The following MLLT3 variants were observed in gnomAD, a reference collection of about 807,000 sequenced individuals.
The protein encoded by MLLT3 is MLLT3 super elongation complex subunit, also known as protein AF-9.
Under a neutral mutation model 53.2 loss-of-function variants are expected in MLLT3, and 4 were observed. That is an observed-to-expected ratio of 0.08 (90% CI 0.04 to 0.17). The LOEUF is 0.17. Among genes scored for constraint, MLLT3 ranks in the 10% least tolerant of loss-of-function variants. The probability of loss-of-function intolerance (pLI) is 1.00; values close to 1 mark genes in which losing one functional copy is unlikely to be tolerated. For synonymous variants in MLLT3, 283 were observed against 230.6 expected (o/e 1.23, Z -2.06); for missense variants, 569 against 684.0 (o/e 0.83, Z 1.87).
At chr9:20,441,229 G>A (rs1181090604) in intron 4 of MLLT3, among the ~76,000 whole-genome samples, 6 of 152,096 alleles carry the variant, frequency 3.9e-5, no homozygotes, top group African/African-American at 1.4e-4. Flanking sequence ...CACGAAAGTT[G>A]TTTTATCACA....
intron 2 of MLLT3, among the ~76,000 whole-genome samples, chr9:20,536,827 T>C (rs1400421135): frequency 6.6e-6 from 1 of 151,350 alleles, no homozygotes; most frequent in Non-Finnish European, 1.5e-5. Context: ...GGACGACTCC[T>C]GCAGGTAGTA....
chr9:20,477,542 T>C (rs954728400), intron 2 of MLLT3, among the ~76,000 whole-genome samples: 1 of 152,118 alleles, frequency 6.6e-6, no homozygotes, highest in Admixed American at 6.6e-5. Context: ...ACTGTCCTAA[T>C]GACCAGAAGG....
At chr9:20,380,643 G>T (rs186187960) in intron 5 of MLLT3, among the ~76,000 whole-genome samples, 41 of 152,022 alleles carry the variant, frequency 2.7e-4, no homozygotes, top group Non-Finnish European at 5.7e-4. Context: ...TGTAGTAAAG[G>T]CTGCTTATTA....
intron 4 of MLLT3, among the ~76,000 whole-genome samples, chr9:20,439,514 C>G (rs1823492505): frequency 6.7e-6 from 1 of 149,176 alleles, no homozygotes; most frequent in African/African-American, 2.5e-5. Context: ...TTGTGCAAAA[C>G]AGTTCTTTTG....
intron 2 of MLLT3, chr9:20,532,931 G>A (rs1818382874): frequency 3.8e-6 from 1 of 261,698 alleles, no homozygotes. Flanking sequence ...CCAGCAAAGG[G>A]CACATCCCCA....
chr9:20,375,591 AT>A (rs111532941), intron 5 of MLLT3, among the ~76,000 whole-genome samples: 7,297 of 126,004 alleles, frequency 0.058, 198 homozygotes, highest in Non-Finnish European at 0.065. Flanking sequence ...TATTTCAGTA[AT>A]TTTTTTTTTT....
intron 2 of MLLT3, among the ~76,000 whole-genome samples, chr9:20,602,761 T>TACACACACACACACACAC (rs3086486): frequency 4.1e-5 from 6 of 147,184 alleles, no homozygotes; most frequent in Non-Finnish European, 7.5e-5. Context: ...TTAAGTTTGA[T>TACACACACACACACACAC]ACACACACAC....
intron 2 of MLLT3, among the ~76,000 whole-genome samples, chr9:20,458,100 T>C (rs1824017421): frequency 6.6e-6 from 1 of 152,242 alleles, no homozygotes; most frequent in African/African-American, 2.4e-5. Context: ...ACCTTGAAGC[T>C]ACTCTTAGTA....
chr9:20,487,382 A>C (rs542083623), intron 2 of MLLT3, among the ~76,000 whole-genome samples: 4 of 152,284 alleles, frequency 2.6e-5, no homozygotes, highest in African/African-American at 9.6e-5. Context: ...ATTTATGCCC[A>C]ACATATGATT....
intron 2 of MLLT3, among the ~76,000 whole-genome samples, chr9:20,585,863 G>C (rs1197929816): frequency 1.3e-5 from 2 of 152,116 alleles, no homozygotes; most frequent in East Asian, 1.9e-4. Context: ...ATACAGTCAA[G>C]AATACCAAAC....
At chr9:20,464,792 A>C (rs145132464) in intron 2 of MLLT3, among the ~76,000 whole-genome samples, 1 of 151,962 alleles carries the variant, frequency 6.6e-6, no homozygotes, top group Admixed American at 6.6e-5. Context: ...CCCTTACCTG[A>C]TTTCTTCCTG....
intron 2 of MLLT3, among the ~76,000 whole-genome samples, chr9:20,510,340 C>T (rs138597125): frequency 0.027 from 4,162 of 152,232 alleles, 74 homozygotes; most frequent in Middle Eastern, 0.041. Context: ...CCGCCAGGCG[C>T]GGTGGCTCAC....
At chr9:20,451,126 T>C (rs1205010729) in intron 3 of MLLT3, among the ~76,000 whole-genome samples, 1 of 152,184 alleles carries the variant, frequency 6.6e-6, no homozygotes, top group African/African-American at 2.4e-5. Flanking sequence ...TTGAAAGGCA[T>C]ATTGCTAACT....
rs138209930 is a variant in MLLT3 at position 20,355,973 on chromosome 9, T to C, written c.1432-1094A>G. Among the ~76,000 whole-genome samples the C allele has an allele frequency of 6.1e-4, 93 of 152,308 alleles. 1 individual carries two copies. In the East Asian group the frequency reaches 0.014, roughly 24 times the overall value. On this transcript the variant is annotated intron_variant, in intron 8 of 10. Transcript: ENST00000380338. ...AATCTGTAGTGGCAAGAGCACTGAT[T>C]AGGCTCAGAAGCCCAAGTTCAAGTC...
intron 10 of MLLT3, among the ~76,000 whole-genome samples, chr9:20,347,786 C>G (rs1428270896): frequency 6.6e-6 from 1 of 152,048 alleles, no homozygotes; most frequent in Non-Finnish European, 1.5e-5. Flanking sequence ...TATCACTTAC[C>G]TCTGATTCTC....
intron 8 of MLLT3, among the ~76,000 whole-genome samples, chr9:20,358,351 T>C (rs1271379652): frequency 1.3e-5 from 2 of 152,190 alleles, no homozygotes; most frequent in African/African-American, 4.8e-5. Context: ...TTTCTTACCA[T>C]GCTTACAAGT....
chr9:20,581,978 G>A (rs1398165345), intron 2 of MLLT3, among the ~76,000 whole-genome samples: 1 of 152,096 alleles, frequency 6.6e-6, no homozygotes, highest in Admixed American at 6.6e-5. Context: ...CAGCCGCAAT[G>A]AAAAATATTT....
intron 4 of MLLT3, among the ~76,000 whole-genome samples, chr9:20,437,371 A>G (rs1823431083): frequency 6.6e-6 from 1 of 152,204 alleles, no homozygotes; most frequent in East Asian, 1.9e-4. Flanking sequence ...ATTAAAAAAG[A>G]AAAATAAACT....
At chr9:20,565,213 T>C (rs949692879) in intron 2 of MLLT3, among the ~76,000 whole-genome samples, 1 of 152,084 alleles carries the variant, frequency 6.6e-6, no homozygotes, top group African/African-American at 2.4e-5. Context: ...TTGTTTACAA[T>C]TGACAAGATT....
Sources: allele counts gnomAD v4.1 joint callset (sites outside exome capture counted in the v4.1 genomes callset), GRCh38; gene constraint gnomAD v4.1.1; transcripts MANE v1.5; gene names NCBI Gene and HGNC (gene_info 2026-07-23, HGNC 2026-07-21).